Variants in CTNNA3 observed in about 807,000 individuals in gnomAD.
The protein encoded by CTNNA3 is catenin alpha-3.
In CTNNA3, 76 loss-of-function variants were observed where a neutral mutation model predicts 95.7. The observed-to-expected ratio is 0.79, with a 90% CI of 0.66 to 0.96. The LOEUF (loss-of-function observed/expected upper bound fraction) is 0.96, where lower values mean the gene tolerates loss of function less well. CTNNA3 is among the 40% of genes least tolerant of loss of function. The probability of loss-of-function intolerance (pLI) is 0.00; values close to 1 mark genes in which losing one functional copy is unlikely to be tolerated. For synonymous variants in CTNNA3, 431 were observed against 374.4 expected (o/e 1.15, Z -1.74); for missense variants, 1,191 against 1,089.8 (o/e 1.09, Z -1.31).
chr10:65,928,974 C>T (rs977435632), intron 17 of CTNNA3, among the ~76,000 whole-genome samples: 2 of 152,062 alleles, frequency 1.3e-5, no homozygotes, highest in African/African-American at 4.8e-5. Context: ...GTGCTGAACC[C>T]AGCAACTCGT....
intron 3 of CTNNA3, among the ~76,000 whole-genome samples, chr10:67,551,231 G>A (rs1398948900): frequency 2.0e-5 from 3 of 152,166 alleles, no homozygotes; most frequent in Non-Finnish European, 4.4e-5. Context: ...TTGAGAGGGC[G>A]TCGAGAGGAG....
chr10:67,234,262 G>C (rs530742561), intron 5 of CTNNA3, among the ~76,000 whole-genome samples: 90 of 152,246 alleles, frequency 5.9e-4, no homozygotes, highest in South Asian at 4.1e-3. Flanking sequence ...CAAAAATCCT[G>C]AATAAAATAC....
chr10:66,971,351 G>A (rs1022173420), intron 7 of CTNNA3, among the ~76,000 whole-genome samples: 14 of 152,162 alleles, frequency 9.2e-5, no homozygotes, highest in South Asian at 2.1e-4. Context: ...GCTTGAACCC[G>A]GGAGGCGGAG....
chr10:66,900,346 C>T (rs1845687118), intron 7 of CTNNA3, among the ~76,000 whole-genome samples: 1 of 151,898 alleles, frequency 6.6e-6, no homozygotes, highest in Admixed American at 6.6e-5. Flanking sequence ...AAGGACATCC[C>T]CAATAAAACC....
At chr10:67,204,366 G>T (rs576738790) in intron 6 of CTNNA3, among the ~76,000 whole-genome samples, 3 of 146,896 alleles carry the variant, frequency 2.0e-5, no homozygotes, top group Non-Finnish European at 3.0e-5. Context: ...AAAGTGTATG[G>T]CACCTCCCCC....
chr10:65,997,457 T>C (rs2078687560), intron 15 of CTNNA3, among the ~76,000 whole-genome samples: 1 of 152,166 alleles, frequency 6.6e-6, no homozygotes, highest in South Asian at 2.1e-4. Context: ...TGGAGAGCGG[T>C]GGCCTGGGTC....
chr10:66,911,167 G>A (rs1327206063), intron 7 of CTNNA3, among the ~76,000 whole-genome samples: 1 of 152,052 alleles, frequency 6.6e-6, no homozygotes, highest in Non-Finnish European at 1.5e-5. Flanking sequence ...GTTACTTAAG[G>A]GAAAGTCTGT....
At chr10:66,383,712 C>T (rs1489747867) in intron 11 of CTNNA3, among the ~76,000 whole-genome samples, 1 of 152,136 alleles carries the variant, frequency 6.6e-6, no homozygotes, top group Non-Finnish European at 1.5e-5. Context: ...TTGAGTTACC[C>T]ACAAAGGGAA....
intron 17 of CTNNA3, among the ~76,000 whole-genome samples, chr10:65,955,067 C>A (rs1426155241): frequency 6.6e-6 from 1 of 152,102 alleles, no homozygotes; most frequent in East Asian, 1.9e-4. Flanking sequence ...TTTCATTGAG[C>A]AGTGGTTTGT....
At chr10:67,130,445 A>T (rs965050020) in intron 7 of CTNNA3, among the ~76,000 whole-genome samples, 2 of 152,148 alleles carry the variant, frequency 1.3e-5, no homozygotes, top group Admixed American at 1.3e-4. Flanking sequence ...AAGCTGGTCA[A>T]TGGGGAGATA....
rs1284367022 is a variant in CTNNA3, at chr10:66,543,472, GTTATT to G, written c.1375-22704_1375-22700del. ...TTTAATAACATGGAAAGGGGTTTAA[GTTATT>G]TTAAGTGAAGAAAAAAATAAATTAA... is the stretch of plus-strand genomic sequence containing the variant. On this transcript the variant is annotated intron_variant, in intron 10 of 17. Transcript: ENST00000433211. Among the ~76,000 whole-genome samples, 7 of 152,092 alleles carry G rather than the reference GTTATT, an allele frequency of 4.6e-5. No individual in the cohort carries two copies. The East Asian group carries it at 7.7e-4, about 17-fold the overall frequency.
intron 11 of CTNNA3, among the ~76,000 whole-genome samples, chr10:66,406,280 G>T (rs1042920764): frequency 5.9e-5 from 9 of 152,120 alleles, no homozygotes; most frequent in African/African-American, 2.2e-4. Context: ...TGATGATTGA[G>T]ATTCTTTCAT....
intron 5 of CTNNA3, among the ~76,000 whole-genome samples, chr10:67,379,285 C>T (rs1046685154): frequency 6.6e-6 from 1 of 152,064 alleles, no homozygotes; most frequent in African/African-American, 2.4e-5. Flanking sequence ...AGCTCTAGCC[C>T]CCCGCTTGGA....
At chr10:65,929,880 T>G (rs1235929457) in intron 17 of CTNNA3, among the ~76,000 whole-genome samples, 3 of 152,086 alleles carry the variant, frequency 2.0e-5, no homozygotes, top group East Asian at 1.9e-4. Context: ...CTATAGCTTT[T>G]ATAAGTTTAT....
Position 67,476,236 on chromosome 10 carries a change from G to A in CTNNA3, c.579+45606C>T, listed in dbSNP as rs146576971. 6.8e-4 allele frequency among the ~76,000 whole-genome samples: 104 copies of A among 151,936 alleles called. 1 individual carries two copies. The highest frequency in any genetic ancestry group is 1.1e-3 in the Non-Finnish European group (74 of 67,946). The stretch of plus-strand genomic sequence containing the variant: ...TCCTATGCAGAAACCGTGGTACAGC[G>A]CAGAAACCGTGGTACTGCTCCATGC... On this transcript the variant is annotated intron_variant, in intron 5 of 17. Coordinates refer to ENST00000433211, the MANE Select transcript of CTNNA3 (RefSeq NM_013266.4).
intron 7 of CTNNA3, among the ~76,000 whole-genome samples, chr10:67,053,642 C>T (rs1271161421): frequency 6.6e-6 from 1 of 152,088 alleles, no homozygotes; most frequent in Admixed American, 6.6e-5. Context: ...CTGTAAATTT[C>T]CTGGAAATGC....
intron 5 of CTNNA3, among the ~76,000 whole-genome samples, chr10:67,401,987 AT>A (rs1248337486): frequency 4.6e-5 from 7 of 152,212 alleles, no homozygotes; most frequent in African/African-American, 1.7e-4. Flanking sequence ...TCCCTCCCAG[AT>A]GAGAAAGAAT....
intron 13 of CTNNA3, among the ~76,000 whole-genome samples, chr10:66,193,395 T>C (rs1286649032): frequency 1.3e-5 from 2 of 152,156 alleles, no homozygotes; most frequent in East Asian, 1.9e-4. Flanking sequence ...ATGGAGGGCC[T>C]AAGGAAAGAT....
chr10:67,631,323 G>T (rs1364229784), intron 2 of CTNNA3, among the ~76,000 whole-genome samples: 2 of 152,030 alleles, frequency 1.3e-5, no homozygotes, highest in African/African-American at 4.8e-5. Context: ...ATACATTAAA[G>T]ATAAATCAGG....
Sources: allele counts gnomAD v4.1 joint callset (sites outside exome capture counted in the v4.1 genomes callset), GRCh38; gene constraint gnomAD v4.1.1; transcripts MANE v1.5; gene names NCBI Gene and HGNC (gene_info 2026-07-23, HGNC 2026-07-21).